FTCDNL1: variants seen among roughly 807,000 people sequenced by gnomAD.
The protein encoded by FTCDNL1 is formiminotransferase cyclodeaminase N-terminal like.
In FTCDNL1, 11 loss-of-function variants were observed where a neutral mutation model predicts 5.9. That is an observed-to-expected ratio of 1.87 (90% CI 1.18 to 3.10). The LOEUF (loss-of-function observed/expected upper bound fraction) is 3.10. Ranked by LOEUF, FTCDNL1 falls within the 30% of genes most tolerant of loss-of-function variation. The pLI, the probability that FTCDNL1 is intolerant of heterozygous loss-of-function variation, is 0.00. For missense variants in FTCDNL1, 115 were observed against 65.5 expected (o/e 1.76, Z -2.61); for synonymous variants, 58 against 24.8 (o/e 2.34, Z -3.99).
chr2:199,781,474 C>T (rs1325667029), intron 3 of FTCDNL1, among the ~76,000 whole-genome samples: 1 of 152,190 alleles, frequency 6.6e-6, no homozygotes, highest in Non-Finnish European at 1.5e-5. Flanking sequence ...CTTGAACCTA[C>T]TTGGTGCTTC....
At chr2:199,844,444 C>T in intron 3 of FTCDNL1, 1 of 664,836 alleles carries the variant, frequency 1.5e-6, no homozygotes, top group Non-Finnish European at 2.8e-6. Context: ...GAATCAAGTC[C>T]ACTGCTCCCA....
the FTCDNL1 span, among the ~76,000 whole-genome samples, chr2:199,676,450 T>C: frequency 6.6e-6 from 1 of 152,082 alleles, no homozygotes; most frequent in Non-Finnish European, 1.5e-5. Context: ...GGGGCCATTT[T>C]TATATAAAAC....
At chr2:199,809,241 C>T (rs868525973), downstream of FTCDNL1, among the ~76,000 whole-genome samples, 8 of 150,380 alleles carry the variant, frequency 5.3e-5, no homozygotes, top group South Asian at 6.3e-4. Context: ...AGATTGAGTT[C>T]GGCCTTTTTT....
downstream of FTCDNL1, among the ~76,000 whole-genome samples, chr2:199,805,583 C>CA (rs563949986): frequency 5.4e-3 from 817 of 151,962 alleles, 8 homozygotes; most frequent in African/African-American, 0.019. Flanking sequence ...ACCAAAAATA[C>CA]AAAAAATTAG....
chr2:199,826,817 C>T (rs756916922), intron 3 of FTCDNL1, among the ~76,000 whole-genome samples: 3 of 151,988 alleles, frequency 2.0e-5, no homozygotes, highest in South Asian at 2.1e-4. Flanking sequence ...TAATAATAAG[C>T]GTTTATCCTG....
the FTCDNL1 span, among the ~76,000 whole-genome samples, chr2:199,667,961 G>A: frequency 1.2e-4 from 18 of 152,118 alleles, no homozygotes; most frequent in African/African-American, 3.6e-4. Flanking sequence ...AGTAGTCACC[G>A]AACCCAAAAT....
rs139415194 is a variant in FTCDNL1 at position 199,777,772 on chromosome 2, C to T, written c.212-16937G>A. ...AGGCTGCTTAGGGATTTTTGGCTGA[C>T]AAGGGGGTGGAACGTTCCCACTCAG... On this transcript the variant is annotated intron_variant, in intron 3 of 3. Transcript: ENST00000416668. Among the ~76,000 whole-genome samples, 22 of 151,972 alleles carry T rather than the reference C, an allele frequency of 1.4e-4. 1 individual carries two copies. In the East Asian group the frequency reaches 4.3e-3, roughly 30 times the overall value.
chr2:199,711,766 C>T, the FTCDNL1 span, among the ~76,000 whole-genome samples: 1 of 152,218 alleles, frequency 6.6e-6, no homozygotes, highest in Non-Finnish European at 1.5e-5. Flanking sequence ...GGAGCTGTCA[C>T]CACACCTGGC....
At chr2:199,773,097 T>C (rs557220153) in intron 3 of FTCDNL1, among the ~76,000 whole-genome samples, 1 of 152,280 alleles carries the variant, frequency 6.6e-6, no homozygotes, top group Admixed American at 6.5e-5. Context: ...TGGTATTAAT[T>C]GCTGCCATTT....
chr2:199,717,944 G>A, the FTCDNL1 span, among the ~76,000 whole-genome samples: 1 of 146,730 alleles, frequency 6.8e-6, no homozygotes, highest in African/African-American at 2.5e-5. Flanking sequence ...CAGGAGCAAT[G>A]CCATCATCTC....
chr2:199,778,562 G>T (rs777698625), intron 3 of FTCDNL1, among the ~76,000 whole-genome samples: 2 of 152,154 alleles, frequency 1.3e-5, no homozygotes, highest in Non-Finnish European at 1.5e-5. Flanking sequence ...AGCCAGCAGG[G>T]TGGTGAGCTC....
rs116814125 is a variant in FTCDNL1, at chr2:199,780,579, C to T, written c.212-19744G>A. Among the ~76,000 whole-genome samples the T allele has an allele frequency of 3.8e-3, 572 of 152,288 alleles. 6 individuals are homozygous for T. The highest frequency in any genetic ancestry group is 0.013 in the African/African-American group (553 of 41,566). On this transcript the variant is annotated intron_variant, in intron 3 of 3. Transcript: ENST00000416668. ...TTCTGCAGCTGGTCTCAAAACCAGC[C>T]CATCTCTTCCTCTATTACCTAATCC...
chr2:199,846,617 A>G (rs1030979764), intron 2 of FTCDNL1, among the ~76,000 whole-genome samples: 2 of 152,204 alleles, frequency 1.3e-5, no homozygotes, highest in Non-Finnish European at 2.9e-5. Context: ...GAATAGACCA[A>G]TTAGTGCCCA....
At chr2:199,821,379 C>G (rs1267360344) in intron 3 of FTCDNL1, among the ~76,000 whole-genome samples, 2 of 145,744 alleles carry the variant, frequency 1.4e-5, no homozygotes, top group Admixed American at 1.4e-4. Flanking sequence ...CCAGGCTGGT[C>G]TTGAACTCCT....
At chr2:199,663,925 A>G in the FTCDNL1 span, among the ~76,000 whole-genome samples, 1 of 152,156 alleles carries the variant, frequency 6.6e-6, no homozygotes, top group Non-Finnish European at 1.5e-5. Context: ...GATGCCAGTC[A>G]TTACTACACG....
At chr2:199,846,021 T>A in intron 3 of FTCDNL1, 54 bp downstream of exon 3, 1 of 648,956 alleles carries the variant, frequency 1.5e-6, no homozygotes, top group Non-Finnish European at 2.8e-6. Context: ...AATGTTCAGG[T>A]CTACCTGAAC....
intron 3 of FTCDNL1, among the ~76,000 whole-genome samples, chr2:199,840,105 C>A (rs1452617086): frequency 6.6e-6 from 1 of 152,164 alleles, no homozygotes; most frequent in Non-Finnish European, 1.5e-5. Flanking sequence ...CTAGTCCTAA[C>A]TGGAACAGGT....
downstream of FTCDNL1, among the ~76,000 whole-genome samples, chr2:199,805,814 G>A (rs1700696233): frequency 6.6e-6 from 1 of 151,998 alleles, no homozygotes; most frequent in Admixed American, 6.5e-5. Flanking sequence ...AGCTACTTGG[G>A]TGGCTGAGGT....
chr2:199,737,638 T>C, the FTCDNL1 span, among the ~76,000 whole-genome samples: 2 of 152,192 alleles, frequency 1.3e-5, no homozygotes, highest in African/African-American at 4.8e-5. Flanking sequence ...ATTAATTTTG[T>C]GTGTCACGCC....
Sources: allele counts gnomAD v4.1 joint callset (sites outside exome capture counted in the v4.1 genomes callset), GRCh38; gene constraint gnomAD v4.1.1; transcripts MANE v1.5; gene names NCBI Gene and HGNC (gene_info 2026-07-23, HGNC 2026-07-21).